The following RUFY3 variants were observed in gnomAD, a reference collection of about 807,000 sequenced individuals.
RUFY3 encodes the protein RUN and FYVE domain containing 3, also known as protein RUFY3.
Under a neutral mutation model 84.0 loss-of-function variants are expected in RUFY3, and 34 were observed. The ratio of observed to expected loss-of-function variants is 0.40; its 90% CI spans 0.31 to 0.54. The LOEUF (loss-of-function observed/expected upper bound fraction) is 0.54, where lower values mean the gene tolerates loss of function less well. Ranked by LOEUF, RUFY3 falls within the 20% of genes least tolerant of loss-of-function variation. The pLI is 0.39. For missense variants in RUFY3, 507 were observed against 736.8 expected (o/e 0.69, Z 3.61); for synonymous variants, 242 against 252.9 (o/e 0.96, Z 0.41).
Position 70,764,494 on chromosome 4 carries a change from A to G in RUFY3, c.490A>G (p.Arg164Gly). ...PGLKTPVGRG[R>G]AWLRLALMQK... The stretch of plus-strand genomic sequence containing the variant: ...TTGTAGGACACCAGTAGGTAGAGGA[A>G]GAGCCTGGCTTCGTTTGGCATTAAT... The change falls in exon 4 of 18, where the codon AGA (arginine) becomes GGA (glycine). Residue 164 changes from arginine (R) to glycine (G), a missense_variant. By Grantham distance (125) the Arg-to-Gly change is moderately radical. Around this residue, in one of 4 missense-constraint regions of RUFY3, gnomAD observed 133 missense variants for 301.1 expected, o/e 0.44. Transcript: ENST00000381006. 1 of 1,613,272 alleles carries G rather than the reference A, an allele frequency of 6.2e-7. No homozygotes were observed. Among genetic ancestry groups the G allele is most frequent in the Non-Finnish European group, 8.5e-7 (1 of 1,179,444 alleles).
At chr4:70,802,880 A>C in intron 15 of RUFY3, 76 bp from the exon 16 acceptor site, 1 of 1,049,592 alleles carries the variant, frequency 9.5e-7, no homozygotes, top group Non-Finnish European at 1.4e-6. Flanking sequence ...TTGTATTCTG[A>C]GCTTTTTATT....
intron 12 of RUFY3, chr4:70,792,506 T>G: frequency 1.0e-6 from 1 of 985,114 alleles, no homozygotes; most frequent in Non-Finnish European, 1.2e-6. Context: ...ATAAACAGTT[T>G]GATTTTTTAA....
chr4:70,774,670 T>TATATATATATATATATAA (rs766227141), intron 6 of RUFY3, among the ~76,000 whole-genome samples: 5 of 81,076 alleles, frequency 6.2e-5, no homozygotes, highest in East Asian at 7.2e-4. Flanking sequence ...TATATATATA[T>TATATATATATATATATAA]AAAATAAACA....
intron 1 of RUFY3, among the ~76,000 whole-genome samples, chr4:70,715,567 G>A (rs185882268): frequency 2.4e-3 from 345 of 142,088 alleles, no homozygotes; most frequent in Non-Finnish European, 4.1e-3. Flanking sequence ...ACCCTAACCC[G>A]GGTGAGAGTA....
At chr4:70,752,147 G>T (rs1461293280) in intron 1 of RUFY3, among the ~76,000 whole-genome samples, 3 of 152,060 alleles carry the variant, frequency 2.0e-5, no homozygotes, top group African/African-American at 7.2e-5. Context: ...TACTTCTTTT[G>T]TTAAGTTTAT....
At chr4:70,792,159 T>C in intron 12 of RUFY3, 1 of 985,290 alleles carries the variant, frequency 1.0e-6, no homozygotes, top group Non-Finnish European at 1.2e-6. Flanking sequence ...CCATTTTTCG[T>C]ATCCTGCTTT....
intron 1 of RUFY3, among the ~76,000 whole-genome samples, chr4:70,725,967 G>A (rs1021611977): frequency 2.6e-5 from 4 of 152,228 alleles, no homozygotes; most frequent in Non-Finnish European, 4.4e-5. Context: ...ATTCTGTAGT[G>A]AAAAGCTACT....
At chr4:70,716,721 G>A (rs888335378) in intron 1 of RUFY3, among the ~76,000 whole-genome samples, 3 of 151,646 alleles carry the variant, frequency 2.0e-5, no homozygotes, top group Non-Finnish European at 4.4e-5. Flanking sequence ...GCAGGTGCCT[G>A]TAATCCCAGC....
At chr4:70,707,429 A>G (rs1437524881) in intron 1 of RUFY3, among the ~76,000 whole-genome samples, 2 of 152,122 alleles carry the variant, frequency 1.3e-5, no homozygotes, top group Non-Finnish European at 1.5e-5. Context: ...TATTTTTAGT[A>G]GAGACGAGGT....
At chr4:70,749,350 A>G (rs1404887066) in intron 1 of RUFY3, among the ~76,000 whole-genome samples, 1 of 152,172 alleles carries the variant, frequency 6.6e-6, no homozygotes, top group East Asian at 1.9e-4. Context: ...GAGCCCAATG[A>G]AGAAGAAATC....
At chr4:70,758,580 G>T (rs1400652086) in intron 1 of RUFY3, among the ~76,000 whole-genome samples, 1 of 152,014 alleles carries the variant, frequency 6.6e-6, no homozygotes, top group Non-Finnish European at 1.5e-5. Context: ...AATTTTTGAT[G>T]TGTAATAATT....
chr4:70,782,652 C>T (rs1158478948), intron 8 of RUFY3, among the ~76,000 whole-genome samples: 1 of 151,992 alleles, frequency 6.6e-6, no homozygotes. Flanking sequence ...GTGGCTCATG[C>T]CTATAATCCC....
intron 1 of RUFY3, among the ~76,000 whole-genome samples, chr4:70,723,424 T>C (rs113184641): frequency 0.014 from 2,095 of 152,310 alleles, 60 homozygotes; most frequent in African/African-American, 0.048. Context: ...TTGGAATCTA[T>C]TGGCCATTGC....
At chr4:70,770,022 A>G (rs1370514697) in intron 5 of RUFY3, among the ~76,000 whole-genome samples, 3 of 152,094 alleles carry the variant, frequency 2.0e-5, no homozygotes, top group Non-Finnish European at 4.4e-5. Flanking sequence ...GGGTTTTGCC[A>G]TATTGCCCAG....
Position 70,808,283 on chromosome 4 carries a change from ATATC to A in RUFY3, c.*1634_*1637del, listed in dbSNP as rs147415056. Among the ~76,000 whole-genome samples, 1,892 of 152,182 alleles carry A rather than the reference ATATC, an allele frequency of 0.012. 33 individuals carry two copies. The highest frequency in any genetic ancestry group is 0.056 in the South Asian group (271 of 4,826). On this transcript the variant is annotated 3_prime_UTR_variant, in exon 18 of 18. Coordinates refer to ENST00000381006, the MANE Select transcript of RUFY3 (RefSeq NM_001037442.4). The stretch of plus-strand genomic sequence containing the variant: ...TGGAGGGCTGACTGTACTTACTTAC[ATATC>A]TATCTATCTTTGAGTAACAAACTCT...
rs1271555864 is a variant in RUFY3 at position 70,806,809 on chromosome 4, G to A, written c.*150G>A. 1.1e-6 allele frequency: 1 copy of A among 931,306 alleles called. No individual in the cohort carries two copies. Among genetic ancestry groups the A allele is most frequent in the Non-Finnish European group, 1.5e-6 (1 of 645,974 alleles). 57.7% of individuals were successfully genotyped at this position (931,306 alleles called of 1,614,324 possible). On this transcript the variant is annotated 3_prime_UTR_variant, in exon 18 of 18. Transcript: ENST00000381006. ...GTCCAGGGAGAAAAGGCAGTGGTTG[G>A]GGTTACTGGAAATTTTGCTCATTTT...
chr4:70,750,788 C>A (rs913983872), intron 1 of RUFY3, among the ~76,000 whole-genome samples: 2 of 152,074 alleles, frequency 1.3e-5, no homozygotes, highest in South Asian at 4.1e-4. Context: ...TTACATATGT[C>A]TCTCTCCATA....
chr4:70,755,195 A>G (rs2148683500), intron 1 of RUFY3, among the ~76,000 whole-genome samples: 1 of 152,300 alleles, frequency 6.6e-6, no homozygotes, highest in South Asian at 2.1e-4. Flanking sequence ...GCGCCCAGCC[A>G]AAAGCTTTTA....
At chr4:70,729,041 A>G (rs541093505) in intron 1 of RUFY3, among the ~76,000 whole-genome samples, 23 of 152,162 alleles carry the variant, frequency 1.5e-4, no homozygotes, top group Non-Finnish European at 2.9e-4. Flanking sequence ...TGCTGTCAAT[A>G]TGGGGTATAT....
Sources: allele counts gnomAD v4.1 joint callset (sites outside exome capture counted in the v4.1 genomes callset), GRCh38; gene constraint gnomAD v4.1.1; regional missense constraint gnomAD v4.1.1; transcripts MANE v1.5; gene names NCBI Gene and HGNC (gene_info 2026-07-23, HGNC 2026-07-21).